Variants in SLC36A1 observed in about 807,000 individuals in gnomAD.
SLC36A1 encodes solute carrier family 36 member 1.
A neutral mutation model predicts 47.5 loss-of-function variants in SLC36A1; 30 were observed. That is an observed-to-expected ratio of 0.63 (90% CI 0.47 to 0.86). The LOEUF (loss-of-function observed/expected upper bound fraction) is 0.86. SLC36A1 is among the 40% of genes least tolerant of loss of function. SLC36A1 has a pLI of 0.00. For missense variants in SLC36A1, 517 were observed against 606.0 expected (o/e 0.85, Z 1.54); for synonymous variants, 255 against 249.7 (o/e 1.02, Z -0.20).
chr5:151,538,007 A>G, the SLC36A1 span: 1 of 1,510,950 alleles, frequency 6.6e-7, no homozygotes, highest in South Asian at 1.2e-5. Context: ...TCCAGAGAGA[A>G]GCAGAGTGAC....
chr5:151,494,771 G>C (rs1389373240), downstream of SLC36A1, among the ~76,000 whole-genome samples: 1 of 151,996 alleles, frequency 6.6e-6, no homozygotes, highest in African/African-American at 2.4e-5. Context: ...GTAAATTTCT[G>C]GTAAACAATT....
the SLC36A1 span, among the ~76,000 whole-genome samples, chr5:151,385,785 A>G: frequency 3.3e-5 from 5 of 152,106 alleles, no homozygotes; most frequent in Non-Finnish European, 7.4e-5. Context: ...TTTACATACC[A>G]TTTTTGCACA....
chr5:151,426,805 C>T, the SLC36A1 span, among the ~76,000 whole-genome samples: 1 of 152,178 alleles, frequency 6.6e-6, no homozygotes, highest in South Asian at 2.1e-4. Flanking sequence ...AACCTTGGAC[C>T]ATACCCAGGC....
intron 1 of SLC36A1, among the ~76,000 whole-genome samples, chr5:151,449,231 T>A (rs114509466): frequency 0.013 from 1,956 of 152,352 alleles, 42 homozygotes; most frequent in African/African-American, 0.045. Flanking sequence ...AGCTAAATAC[T>A]AACAGCTGAA....
At chr5:151,508,428 G>A in the SLC36A1 span, among the ~76,000 whole-genome samples, 11 of 152,332 alleles carry the variant, frequency 7.2e-5, no homozygotes, top group Admixed American at 3.9e-4. Context: ...GACTGAAGTC[G>A]ACTGGGCGCA....
At chr5:151,392,790 T>G in the SLC36A1 span, among the ~76,000 whole-genome samples, 1 of 152,194 alleles carries the variant, frequency 6.6e-6, no homozygotes, top group East Asian at 1.9e-4. Context: ...TTTCTGTTCT[T>G]TTACATTTGC....
chr5:151,479,221 A>G (rs186774107), intron 9 of SLC36A1, 99 bp from the exon 10 acceptor site: 10 of 1,311,304 alleles, frequency 7.6e-6, no homozygotes, highest in South Asian at 5.7e-5. Flanking sequence ...TGTATCCTTG[A>G]TAAGTGTCAA....
At chr5:151,360,469 T>G in the SLC36A1 span, among the ~76,000 whole-genome samples, 1 of 152,132 alleles carries the variant, frequency 6.6e-6, no homozygotes, top group African/African-American at 2.4e-5. Context: ...GTCTTCATAT[T>G]GAGTAGGCTG....
At chr5:151,548,074 G>A in the SLC36A1 span, among the ~76,000 whole-genome samples, 9 of 152,132 alleles carry the variant, frequency 5.9e-5, no homozygotes, top group African/African-American at 2.2e-4. Flanking sequence ...AGCAAGCAAT[G>A]CATTATAATC....
At position 151,479,406 on chromosome 5, in the gene SLC36A1, T is replaced by C; in HGVS notation, c.1076T>C (p.Ile359Thr). The change falls in exon 10 of 11, where the codon ATC becomes ACC. Residue 359 changes from isoleucine (I) to threonine (T), a missense_variant. Ile to Thr is a moderately conservative substitution (Grantham distance 89). Coordinates refer to ENST00000243389, the MANE Select transcript of SLC36A1 (RefSeq NM_078483.4). ...LQFYVPAEIIIPFFVSRAPEH... is the reference protein window; with the variant it reads ...LQFYVPAEIITPFFVSRAPEH... ...TTCTACGTCCCGGCTGAGATCATCA[T>C]CCCCTTCTTTGTGTCCCGAGCGCCC... 11 of 1,614,236 alleles carry C rather than the reference T, an allele frequency of 6.8e-6. No individual in the cohort carries two copies. Among genetic ancestry groups the C allele is most frequent in the Non-Finnish European group, 9.3e-6 (11 of 1,180,022 alleles).
the SLC36A1 span, among the ~76,000 whole-genome samples, chr5:151,399,367 G>A: frequency 1.3e-5 from 2 of 151,912 alleles, no homozygotes; most frequent in South Asian, 2.1e-4. Flanking sequence ...GATTATAGGC[G>A]TGAGCCACCG....
intron 6 of SLC36A1, 148 bp from the exon 7 acceptor site, chr5:151,467,559 G>C (rs1337753715): frequency 3.0e-5 from 21 of 692,368 alleles, no homozygotes; most frequent in Non-Finnish European, 5.2e-5. Flanking sequence ...TAGTCGTGAA[G>C]TTCTCTAAAG....
At chr5:151,419,951 T>G in the SLC36A1 span, 2 of 152,244 alleles carry the variant, frequency 1.3e-5, no homozygotes, top group Non-Finnish European at 2.9e-5. Flanking sequence ...AGCACTGCAT[T>G]GCAGTATCTC....
the SLC36A1 span, among the ~76,000 whole-genome samples, chr5:151,514,421 T>C: frequency 2.6e-5 from 4 of 152,258 alleles, no homozygotes; most frequent in Non-Finnish European, 5.9e-5. Flanking sequence ...CACATACTCT[T>C]GACCTATCTC....
chr5:151,444,860 T>C (rs2127443353), upstream of SLC36A1, among the ~76,000 whole-genome samples: 1 of 152,372 alleles, frequency 6.6e-6, no homozygotes, highest in Non-Finnish European at 1.5e-5. Context: ...TCTTTGGGGT[T>C]TTCTACATAT....
At chr5:151,531,416 T>A in the SLC36A1 span, among the ~76,000 whole-genome samples, 5 of 151,534 alleles carry the variant, frequency 3.3e-5, no homozygotes, top group Admixed American at 3.3e-4. This position sits in a 1 kb window ranked among gnomAD's most constrained non-coding sequence, Gnocchi z 5.7. Context: ...GGCCCCAGGG[T>A]GGAAGGAGGG....
At chr5:151,503,083 G>A in the SLC36A1 span, among the ~76,000 whole-genome samples, 2 of 148,112 alleles carry the variant, frequency 1.4e-5, no homozygotes, top group African/African-American at 2.7e-5. Flanking sequence ...GGGGGCAGGA[G>A]GGAAGAGTAG....
the SLC36A1 span, chr5:151,527,847 C>T: frequency 9.2e-7 from 1 of 1,085,214 alleles, no homozygotes; most frequent in East Asian, 2.5e-5. Context: ...TCCACAGAGG[C>T]CCCACAGAGA....
chr5:151,540,898 C>G, the SLC36A1 span: 2 of 732,110 alleles, frequency 2.7e-6, no homozygotes, highest in Non-Finnish European at 4.3e-6. Flanking sequence ...AACTAGGAAC[C>G]CACGATTCTA....
Sources: allele counts gnomAD v4.1 joint callset (sites outside exome capture counted in the v4.1 genomes callset), GRCh38; gene constraint gnomAD v4.1.1; non-coding constraint Gnocchi (gnomAD v3.1); transcripts MANE v1.5; gene names NCBI Gene and HGNC (gene_info 2026-07-23, HGNC 2026-07-21).